The following SLC23A2 variants were observed in gnomAD, a reference collection of about 807,000 sequenced individuals.
The protein encoded by SLC23A2 is Na(+)/L-ascorbic acid transporter 2.
A neutral mutation model predicts 73.3 loss-of-function variants in SLC23A2; 36 were observed. That is an observed-to-expected ratio of 0.49 (90% CI 0.38 to 0.65). The LOEUF (loss-of-function observed/expected upper bound fraction) is 0.65. SLC23A2 is among the 30% of genes least tolerant of loss of function. The probability of loss-of-function intolerance (pLI) is 0.00; values close to 1 mark genes in which losing one functional copy is unlikely to be tolerated. For synonymous variants in SLC23A2, 343 were observed against 327.3 expected, an observed-to-expected ratio of 1.05 and a Z score of -0.52; for missense variants, 507 against 841.6, an observed-to-expected ratio of 0.60 and a Z score of 4.92.
At chr20:4,980,782 G>A (rs930162474) in intron 1 of SLC23A2, among the ~76,000 whole-genome samples, 2 of 152,038 alleles carry the variant, frequency 1.3e-5, no homozygotes, top group Non-Finnish European at 2.9e-5. Context: ...CACCCACCTC[G>A]GCCTCCCAAA....
In SLC23A2 at chr20:4,980,823, C is replaced by T. The variant is rs150876487; in HGVS notation, c.-281-9904G>A. Among the ~76,000 whole-genome samples, 619 of 152,214 alleles carry T rather than the reference C, an allele frequency of 4.1e-3. 3 individuals carry two copies. Among genetic ancestry groups the T allele is most frequent in the African/African-American group, 0.014 (600 of 41,536 alleles). ...GGGTGATTACCGGTGTGAGCCACCG[C>T]GCCCAGCCACAGTTTACTTTCAAAT... On this transcript the variant is annotated intron_variant, in intron 1 of 16. Coordinates refer to ENST00000338244, the MANE Select transcript of SLC23A2 (RefSeq NM_005116.6).
intron 6 of SLC23A2, among the ~76,000 whole-genome samples, chr20:4,896,705 AC>A (rs1036195980): frequency 6.6e-6 from 1 of 151,870 alleles, no homozygotes; most frequent in African/African-American, 2.4e-5. Context: ...GGCCCCCATC[AC>A]CTTTCTCATG....
At chr20:4,974,685 C>T (rs1342385064) in intron 1 of SLC23A2, among the ~76,000 whole-genome samples, 2 of 151,868 alleles carry the variant, frequency 1.3e-5, no homozygotes, top group Non-Finnish European at 2.9e-5. Context: ...ACTATCATTC[C>T]CAATGTTTGT....
chr20:4,877,424 A>C (rs1232585045), intron 9 of SLC23A2, among the ~76,000 whole-genome samples: 1 of 152,204 alleles, frequency 6.6e-6, no homozygotes, highest in Non-Finnish European at 1.5e-5. Context: ...AGATCATCTA[A>C]ACATGCTGTC....
chr20:4,871,457 TC>T (rs1345479410), intron 11 of SLC23A2, among the ~76,000 whole-genome samples: 5 of 152,224 alleles, frequency 3.3e-5, no homozygotes, highest in African/African-American at 1.2e-4. Context: ...CGCAGAGCTC[TC>T]ATGCAGGGCA....
At chr20:4,951,445 A>G (rs544689969) in intron 2 of SLC23A2, among the ~76,000 whole-genome samples, 1 of 152,320 alleles carries the variant, frequency 6.6e-6, no homozygotes, top group Admixed American at 6.5e-5. Flanking sequence ...TCCGAGACAG[A>G]GCTGGGCAGG....
Position 4,902,742 on chromosome 20 carries a change from G to A in SLC23A2, c.208-184C>T, listed in dbSNP as rs977547192. Among the ~76,000 whole-genome samples the A allele has an allele frequency of 2.6e-5, 4 of 152,076 alleles. No homozygotes were observed. Among genetic ancestry groups the A allele is most frequent in the Admixed American group, 1.3e-4 (2 of 15,254 alleles). ...TTTGGCTCAAGTACAGTCGCCCACC[G>A]GGATGGTCAATCCTCAGAATTTGGG... On this transcript the variant is annotated intron_variant, in intron 4 of 16. Transcript: ENST00000338244. This position sits in a 1 kb window ranked among gnomAD's most constrained non-coding sequence, Gnocchi z 4.0.
rs1288713984 is a variant in SLC23A2, at chr20:4,868,905, G to C, written c.1250+1001C>G. The C allele has an allele frequency of 6.6e-6, 1 of 152,206 alleles. No homozygotes were observed. Among genetic ancestry groups the C allele is most frequent in the East Asian group, 1.9e-4 (1 of 5,202 alleles). 9.4% of individuals were successfully genotyped at this position (152,206 alleles called of 1,614,324 possible). On this transcript the variant is annotated intron_variant, in intron 12 of 16. Transcript: ENST00000338244. This position sits in a 1 kb window ranked among gnomAD's most constrained non-coding sequence, Gnocchi z 4.4. ...GATCCCACAGATTTCATTCATTTCT[G>C]CTATTCCTGTCCCTATTTATATAAA...
Position 4,977,234 on chromosome 20 carries a change from G to A in SLC23A2, c.-281-6315C>T, listed in dbSNP as rs539765084. The stretch of plus-strand genomic sequence containing the variant: ...AAAGGCAGAACATCTCTCTCTTTAT[G>A]AACATGACTTCTTCAGCAAGATAGG... On this transcript the variant is annotated intron_variant, in intron 1 of 16. Coordinates refer to ENST00000338244, the MANE Select transcript of SLC23A2 (RefSeq NM_005116.6). Among the ~76,000 whole-genome samples, 14 of 152,206 alleles carry A rather than the reference G, an allele frequency of 9.2e-5. No homozygotes were observed. In the East Asian group the frequency reaches 2.5e-3, roughly 27 times the overall value.
chr20:4,957,410 A>G (rs2087308170), intron 2 of SLC23A2, among the ~76,000 whole-genome samples: 1 of 151,776 alleles, frequency 6.6e-6, no homozygotes, highest in Non-Finnish European at 1.5e-5. Flanking sequence ...TCAGTGAACT[A>G]TGATCATGAC....
At chr20:4,894,604 T>C (rs1931451721) in intron 6 of SLC23A2, among the ~76,000 whole-genome samples, 1 of 152,192 alleles carries the variant, frequency 6.6e-6, no homozygotes, top group Non-Finnish European at 1.5e-5. Context: ...AGGGGAACCA[T>C]GCTGCCTGCT....
At chr20:4,894,101 G>A (rs1388164292) in intron 6 of SLC23A2, among the ~76,000 whole-genome samples, 1 of 152,182 alleles carries the variant, frequency 6.6e-6, no homozygotes, top group Non-Finnish European at 1.5e-5. Flanking sequence ...CCCGGAACAA[G>A]GGTTAGCTGG....
In SLC23A2 at chr20:4,998,090, C is replaced by T. The variant is rs1356103970; in HGVS notation, c.-282+3316G>A. 6.6e-6 allele frequency among the ~76,000 whole-genome samples: 1 copy of T among 152,134 alleles called. No individual in the cohort carries two copies. The highest frequency in any genetic ancestry group is 6.6e-5 in the Admixed American group (1 of 15,264). On this transcript the variant is annotated intron_variant, in intron 1 of 16. Coordinates refer to ENST00000338244, the MANE Select transcript of SLC23A2 (RefSeq NM_005116.6). The surrounding 1 kb of genome is among the most constrained non-coding windows in gnomAD (Gnocchi z 4.1). Reference sequence around the variant, plus strand: ...AACAAATTTCCGTTGTTTAAGCCACCCACACTGTGCTATTTTTGTTATGGC... The same window carrying T: ...AACAAATTTCCGTTGTTTAAGCCACTCACACTGTGCTATTTTTGTTATGGC...
chr20:4,992,965 A>G (rs752153587), intron 1 of SLC23A2, among the ~76,000 whole-genome samples: 16 of 152,084 alleles, frequency 1.1e-4, no homozygotes, highest in Non-Finnish European at 2.2e-4. Context: ...GTACTTTCTG[A>G]GTGCCAACAA....
intron 2 of SLC23A2, among the ~76,000 whole-genome samples, chr20:4,964,860 AAAGG>A (rs1179539847): frequency 2.3e-4 from 34 of 151,024 alleles, no homozygotes; most frequent in Non-Finnish European, 3.2e-4. Flanking sequence ...GAAAAGAAAA[AAAGG>A]AAGGAAGAGA....
Position 4,955,576 on chromosome 20 carries a change from C to T in SLC23A2, c.-155+15217G>A, listed in dbSNP as rs559867376. On this transcript the variant is annotated intron_variant, in intron 2 of 16. Transcript: ENST00000338244. Reference sequence around the variant, plus strand: ...GGCCAAGGTAGGAGTAACACTTGACCTCAGGGGCTCGAGACCAGCCTGGGA... The same window carrying T: ...GGCCAAGGTAGGAGTAACACTTGACTTCAGGGGCTCGAGACCAGCCTGGGA... 3.9e-5 allele frequency among the ~76,000 whole-genome samples: 6 copies of T among 152,122 alleles called. No individual in the cohort carries two copies. The South Asian group carries it at 1.0e-3, about 26-fold the overall frequency.
rs151128230 is a variant in SLC23A2 at position 4,992,066 on chromosome 20, C to T, written c.-282+9340G>A. On this transcript the variant is annotated intron_variant, in intron 1 of 16. Transcript: ENST00000338244. ...CAGAGGTTGCAGTGAGCCGAGATCGCGCCATTACACTCAAGCCTGGGGGAC... is the reference window on the plus strand; with the variant it reads ...CAGAGGTTGCAGTGAGCCGAGATCGTGCCATTACACTCAAGCCTGGGGGAC... Among the ~76,000 whole-genome samples the T allele has an allele frequency of 1.4e-4, 22 of 152,110 alleles. No homozygotes were observed. The East Asian group carries it at 2.5e-3, about 17-fold the overall frequency.
chr20:4,902,573 G>A lies in SLC23A2; in HGVS notation c.208-15C>T, dbSNP rs1440807585. Reference sequence around the variant, plus strand: ...GCGAGAGAGCTCTGCGAGCCAGAAGGAGAAAAGAAGGTGCTCATTAAACGT... The same window carrying A: ...GCGAGAGAGCTCTGCGAGCCAGAAGAAGAAAAGAAGGTGCTCATTAAACGT... On this transcript the variant is annotated splice_polypyrimidine_tract_variant and intron_variant, in intron 4 of 16. Transcript: ENST00000338244. The surrounding 1 kb of genome is among the most constrained non-coding windows in gnomAD (Gnocchi z 4.0). The A allele has an allele frequency of 6.7e-7, 1 of 1,484,120 alleles. No homozygotes were observed. Among genetic ancestry groups the A allele is most frequent in the South Asian group, 1.2e-5 (1 of 86,012 alleles). 91.9% of individuals were successfully genotyped at this position (1,484,120 alleles called of 1,614,324 possible).
intron 16 of SLC23A2, among the ~76,000 whole-genome samples, chr20:4,859,023 C>T (rs555381260): frequency 2.6e-5 from 4 of 152,186 alleles, no homozygotes; most frequent in Admixed American, 1.3e-4. Flanking sequence ...CATCCCACTG[C>T]CATCTCACCA....
Sources: allele counts gnomAD v4.1 joint callset (sites outside exome capture counted in the v4.1 genomes callset), GRCh38; gene constraint gnomAD v4.1.1; non-coding constraint Gnocchi (gnomAD v3.1); transcripts MANE v1.5; gene names NCBI Gene and HGNC (gene_info 2026-07-23, HGNC 2026-07-21).